The following CCDC57 variants were observed in gnomAD, a reference collection of about 807,000 sequenced individuals.
CCDC57 encodes the protein coiled-coil domain containing 57.
A neutral mutation model predicts 118.9 loss-of-function variants in CCDC57; 118 were observed. That is an observed-to-expected ratio of 0.99 (90% CI 0.86 to 1.16). CCDC57 has a LOEUF of 1.16. Ranked by LOEUF, CCDC57 falls within the 50% of genes most tolerant of loss-of-function variation. The pLI, the probability that CCDC57 is intolerant of heterozygous loss-of-function variation, is 0.00. For synonymous variants in CCDC57, 527 were observed against 532.9 expected (o/e 0.99, Z 0.15); for missense variants, 1,300 against 1,320.7 (o/e 0.98, Z 0.24).
At chr17:82,152,071 C>T (rs2042130822) in intron 15 of CCDC57, 1 of 416,474 alleles carries the variant, frequency 2.4e-6, no homozygotes, top group Non-Finnish European at 4.4e-6. Context: ...GCCTTCTGGT[C>T]ATCTATGCCT....
intron 15 of CCDC57, chr17:82,155,295 GTCGCGTTCCTTGGCTGGCACTC>G: frequency 6.6e-6 from 1 of 152,420 alleles, no homozygotes; most frequent in South Asian, 2.1e-4. Flanking sequence ...CGCCGTTCCT[GTCGCGTTCCTTGGCTGGCACTC>G]TCGCGTGGAA....
chr17:82,122,066 G>A (rs747859326), intron 19 of CCDC57, among the ~76,000 whole-genome samples: 1 of 152,130 alleles, frequency 6.6e-6, no homozygotes, highest in African/African-American at 2.4e-5. Flanking sequence ...GTCTCACAGA[G>A]AGCTTGGTGG....
At chr17:82,187,870 A>T (rs897023019) in intron 8 of CCDC57, among the ~76,000 whole-genome samples, 1 of 151,146 alleles carries the variant, frequency 6.6e-6, no homozygotes, top group Non-Finnish European at 1.5e-5. Context: ...GAAGATGGAA[A>T]GTTCTGGAGA....
intron 15 of CCDC57, chr17:82,155,309 CTGGCACTCTCGCG>C (rs1476754651): frequency 1.3e-5 from 2 of 152,290 alleles, no homozygotes; most frequent in Non-Finnish European, 2.9e-5. Flanking sequence ...CGTTCCTTGG[CTGGCACTCTCGCG>C]TGGAAGAGTG....
chr17:82,128,348 G>C, intron 18 of CCDC57, 145 bp downstream of exon 17: 1 of 632,750 alleles, frequency 1.6e-6, no homozygotes, highest in Non-Finnish European at 2.7e-6. Context: ...AGCTCACCCT[G>C]CCATTGTGAG....
chr17:82,144,706 C>T (rs774890581), intron 16 of CCDC57, among the ~76,000 whole-genome samples: 5 of 152,166 alleles, frequency 3.3e-5, no homozygotes, highest in African/African-American at 4.8e-5. Context: ...TAAATACGTA[C>T]GTGTCATTTA....
chr17:82,212,839 G>T (rs1017097487), upstream of CCDC57: 4 of 151,938 alleles, frequency 2.6e-5, no homozygotes, highest in Non-Finnish European at 4.4e-5. This position sits in a 1 kb window ranked among gnomAD's most constrained non-coding sequence, Gnocchi z 4.1. Flanking sequence ...ACAGCGACCG[G>T]GTCAGTCGGC....
At chr17:82,104,538 AATTTTT>A (rs1178882699) in intron 19 of CCDC57, among the ~76,000 whole-genome samples, 2 of 152,042 alleles carry the variant, frequency 1.3e-5, no homozygotes, top group African/African-American at 2.4e-5. Flanking sequence ...GGGTTTTTTA[AATTTTT>A]ATTTTTATTT....
rs1301662836 is a variant in CCDC57, at chr17:82,126,752, TCA to T, written c.2899+938_2899+939del. The T allele has an allele frequency of 7.1e-6, 7 of 985,306 alleles. No individual in the cohort carries two copies. In the South Asian group the frequency reaches 2.3e-4, roughly 33 times the overall value. The allele number at this position is 985,306 out of a possible 1,614,324, so 61.0% of individuals were successfully genotyped here. ...CCCTGGGGCACGTACACGTGTGTTT[TCA>T]CACACACTGCAGCCTGTAAGGTTAC... On this transcript the variant is annotated intron_variant, in intron 19 of 19. Transcript: ENST00000665763.
exon 16 of CCDC57, chr17:82,151,713 G>A (rs773717871): frequency 8.5e-5 from 131 of 1,550,246 alleles, no homozygotes; most frequent in African/African-American, 1.2e-4. Flanking sequence ...GCCACTGACC[G>A]GAGGTGCAGG....
In CCDC57 at chr17:82,195,358, G is replaced by A. The variant is rs1484566981; in HGVS notation, c.523C>T (p.Leu175=). The change falls in exon 5 of 20, where the codon CTG becomes TTG. Residue 175 remains leucine (L), a synonymous_variant. Coordinates refer to ENST00000665763, the Ensembl canonical transcript of CCDC57. ...CGCATTTTCGATTCAAACTCCAGCAGCAGTTCCTGGAACAAACAGGTTTCA... is the reference window on the plus strand; with the variant it reads ...CGCATTTTCGATTCAAACTCCAGCAACAGTTCCTGGAACAAACAGGTTTCA... 7 of 1,588,998 alleles carry A rather than the reference G, an allele frequency of 4.4e-6. No homozygotes were observed. The African/African-American group carries it at 6.7e-5, about 15-fold the overall frequency.
At position 82,138,348 on chromosome 17, in the gene CCDC57, C is replaced by T. The variant is rs1181711895; in HGVS notation, c.2456-4154G>A. Among the ~76,000 whole-genome samples the T allele has an allele frequency of 2.0e-5, 3 of 151,486 alleles. No homozygotes were observed. The East Asian group carries it at 6.0e-4, about 30-fold the overall frequency. On this transcript the variant is annotated intron_variant, in intron 16 of 19. Transcript: ENST00000665763. ...TATTTTTAGTAGAGACAGGGTTTCA[C>T]CCTGTTAGCCAGGATGGTCTCGATC...
intron 8 of CCDC57, 89 bp from the exon 8 acceptor site, chr17:82,184,021 G>GCA (rs1568400154): frequency 4.2e-5 from 13 of 313,214 alleles, no homozygotes; most frequent in African/African-American, 1.0e-4. Context: ...ACACATGCGC[G>GCA]CGCGCGCGCG....
intron 16 of CCDC57, among the ~76,000 whole-genome samples, chr17:82,142,018 C>G (rs977831789): frequency 2.6e-5 from 4 of 152,132 alleles, no homozygotes; most frequent in African/African-American, 7.2e-5. Flanking sequence ...ATCTGAAACT[C>G]GATTCTTTTA....
At chr17:82,161,470 C>T (rs1488900035) in intron 14 of CCDC57, among the ~76,000 whole-genome samples, 1 of 152,176 alleles carries the variant, frequency 6.6e-6, no homozygotes, top group African/African-American at 2.4e-5. Context: ...TTCACAGCAG[C>T]ATTATGCACA....
intron 16 of CCDC57, among the ~76,000 whole-genome samples, chr17:82,150,873 G>A (rs1267802609): frequency 1.2e-5 from 1 of 85,156 alleles, no homozygotes. Flanking sequence ...CCAGAACCTG[G>A]TGCACACCCA....
chr17:82,134,223 T>C, intron 16 of CCDC57, 29 bp from the exon 16 acceptor site: 2 of 1,288,542 alleles, frequency 1.6e-6, no homozygotes, highest in South Asian at 2.8e-5. Context: ...CAGAGTTTGT[T>C]CTCTGTGCAT....
chr17:82,147,649 A>T lies in CCDC57; in HGVS notation c.2455+3911T>A, dbSNP rs1029849864. On this transcript the variant is annotated intron_variant, in intron 16 of 19. Transcript: ENST00000665763. Reference sequence around the variant, plus strand: ...GGCGGGTGGGTGGATGGATGGGTGGATGGATACATGGAAGGGTGGGTGGGT... The same window carrying T: ...GGCGGGTGGGTGGATGGATGGGTGGTTGGATACATGGAAGGGTGGGTGGGT... Among the ~76,000 whole-genome samples the T allele has an allele frequency of 3.6e-5, 3 of 83,474 alleles. 1 individual carries two copies. The highest frequency in any genetic ancestry group is 1.4e-4 in the African/African-American group (3 of 21,628). 54.8% of individuals were successfully genotyped at this position (83,474 alleles called of 152,430 possible). A position where few individuals can be genotyped will look rare whatever the true frequency, so the allele number is the denominator to read the frequency against.
Position 82,151,540 on chromosome 17 carries a change from C to T in CCDC57, c.2455+20G>A. ...AACCTGACCCACACTCAGGCCATGG[C>T]CTCCACTTCCCGGACTCACTTTCGG... On this transcript the variant is annotated intron_variant, in intron 16 of 19. Coordinates refer to ENST00000665763, the Ensembl canonical transcript of CCDC57. 2.6e-6 allele frequency: 4 copies of T among 1,549,264 alleles called. No individual in the cohort carries two copies. The South Asian group carries it at 3.6e-5, about 14-fold the overall frequency.
Sources: allele counts gnomAD v4.1 joint callset (sites outside exome capture counted in the v4.1 genomes callset), GRCh38; gene constraint gnomAD v4.1.1; non-coding constraint Gnocchi (gnomAD v3.1); transcripts MANE v1.5; gene names NCBI Gene and HGNC (gene_info 2026-07-23, HGNC 2026-07-21).